The following SLC17A5 variants were observed in gnomAD, a reference collection of about 807,000 sequenced individuals.
The protein encoded by SLC17A5 is solute carrier family 17 member 5, also known as sialin.
In SLC17A5, 47 loss-of-function variants were observed where a neutral mutation model predicts 59.4. The ratio of observed to expected loss-of-function variants is 0.79; its 90% confidence interval spans 0.63 to 1.01. The LOEUF (loss-of-function observed/expected upper bound fraction) is 1.01, where lower values mean the gene tolerates loss of function less well. SLC17A5 is among the 50% of genes least tolerant of loss of function. SLC17A5 has a pLI of 0.00. For missense variants in SLC17A5, 522 were observed against 595.5 expected, an observed-to-expected ratio of 0.88 and a Z score of 1.28; for synonymous variants, 202 against 210.7, an observed-to-expected ratio of 0.96 and a Z score of 0.36.
At chr6:73,645,431 T>C in intron 1 of SLC17A5, 6 of 985,142 alleles carry the variant, frequency 6.1e-6, no homozygotes, top group Non-Finnish European at 7.2e-6. Context: ...AGTTGCTCAG[T>C]AGTTATCAAG....
intron 7 of SLC17A5, among the ~76,000 whole-genome samples, chr6:73,616,556 C>T (rs1343690140): frequency 8.2e-6 from 1 of 122,354 alleles, no homozygotes; most frequent in East Asian, 2.1e-4. Context: ...TACACACACA[C>T]ACACACACAC....
intron 7 of SLC17A5, among the ~76,000 whole-genome samples, chr6:73,620,998 T>TTAA (rs1320665470): frequency 2.3e-5 from 3 of 128,334 alleles, no homozygotes; most frequent in African/African-American, 7.1e-5. Context: ...AGTGCTGGGA[T>TTAA]TAATTATTAT....
chr6:73,597,370 G>A (rs1354759747), intron 10 of SLC17A5, among the ~76,000 whole-genome samples: 1 of 152,070 alleles, frequency 6.6e-6, no homozygotes, highest in Non-Finnish European at 1.5e-5. Context: ...GGGAGGCTGA[G>A]GCAGGAGAAT....
chr6:73,596,650 A>G (rs1381580493), intron 10 of SLC17A5, among the ~76,000 whole-genome samples: 1 of 151,650 alleles, frequency 6.6e-6, no homozygotes, highest in African/African-American at 2.4e-5. Flanking sequence ...AGGTCAGGAG[A>G]TCGAGACCAT....
chr6:73,605,518 A>G (rs4079357), intron 9 of SLC17A5, among the ~76,000 whole-genome samples: 16,325 of 152,098 alleles, frequency 0.11, 1,047 homozygotes, highest in Middle Eastern at 0.18. Context: ...GAAATAACTG[A>G]TGTGCTTTGA....
intron 4 of SLC17A5, among the ~76,000 whole-genome samples, chr6:73,637,825 A>G (rs1435172379): frequency 1.3e-5 from 2 of 152,174 alleles, no homozygotes; most frequent in African/African-American, 4.8e-5. Context: ...ATTTTAATTT[A>G]GTCAATGAAA....
chr6:73,641,577 T>G (rs767674742), intron 3 of SLC17A5, 114 bp downstream of exon 3: 37 of 786,112 alleles, frequency 4.7e-5, no homozygotes, highest in Non-Finnish European at 7.3e-5. Context: ...AATAAACCCC[T>G]GTTATCATCC....
chr6:73,653,868 C>G lies in SLC17A5; in HGVS notation c.19G>C (p.Asp7His). The change falls in exon 1 of 11, where the codon GAC becomes CAC. Residue 7 changes from aspartate to histidine, a missense_variant. Physicochemically the swap from Asp to His is moderately conservative, Grantham distance 81. Transcript: ENST00000355773. The part of the protein sequence containing the change: MRSPVR[D>H]LARNDGEEST... ...TCCTCGCCATCGTTCCGGGCCAGGT[C>G]TCGAACCGGAGACCTCATGACGCCT... The G allele has an allele frequency of 6.2e-7, 1 of 1,607,250 alleles. No individual in the cohort carries two copies. Among genetic ancestry groups the G allele is most frequent in the Non-Finnish European group, 8.5e-7 (1 of 1,177,590 alleles).
intron 1 of SLC17A5, 128 bp from the exon 2 acceptor site, chr6:73,644,731 C>A: frequency 1.2e-6 from 1 of 837,336 alleles, no homozygotes; most frequent in Non-Finnish European, 1.9e-6. Context: ...CTCAGCCTCC[C>A]AAAGTGCTGT....
intron 6 of SLC17A5, among the ~76,000 whole-genome samples, chr6:73,633,245 G>T: frequency 6.7e-6 from 1 of 148,866 alleles, no homozygotes; most frequent in South Asian, 2.1e-4. Context: ...CTCTCCACCT[G>T]GTTAAAACTT....
At chr6:73,612,721 C>T (rs1000330696) in intron 8 of SLC17A5, among the ~76,000 whole-genome samples, 1 of 152,226 alleles carries the variant, frequency 6.6e-6, no homozygotes, top group Admixed American at 6.5e-5. Flanking sequence ...ACTACAGATA[C>T]ATACCATCAT....
intron 7 of SLC17A5, 62 bp from the exon 8 acceptor site, chr6:73,615,509 T>C: frequency 6.5e-7 from 1 of 1,540,840 alleles, no homozygotes; most frequent in East Asian, 2.3e-5. Context: ...AACATACACA[T>C]TCATCACAGC....
At chr6:73,632,291 CAAA>C (rs71000140) in intron 6 of SLC17A5, among the ~76,000 whole-genome samples, 8 of 63,712 alleles carry the variant, frequency 1.3e-4, no homozygotes, top group Admixed American at 5.4e-4. Flanking sequence ...GAGCTAGACT[CAAA>C]AAAAAAAAAA....
chr6:73,642,704 T>C (rs1411091856), intron 2 of SLC17A5, among the ~76,000 whole-genome samples: 1 of 152,240 alleles, frequency 6.6e-6, no homozygotes, highest in African/African-American at 2.4e-5. Context: ...ACATTTTTAA[T>C]GCAGTGTAGC....
intron 2 of SLC17A5, among the ~76,000 whole-genome samples, chr6:73,642,800 C>G (rs1289801402): frequency 1.3e-5 from 2 of 152,144 alleles, no homozygotes; most frequent in Non-Finnish European, 2.9e-5. Flanking sequence ...GTAGCAGGGT[C>G]AACAAAAGCA....
intron 6 of SLC17A5, among the ~76,000 whole-genome samples, chr6:73,626,062 G>A (rs536525004): frequency 6.6e-6 from 1 of 152,268 alleles, no homozygotes; most frequent in South Asian, 2.1e-4. Flanking sequence ...TATGCTGAAA[G>A]GTACAAGTGT....
rs575285680 is a variant in SLC17A5, at chr6:73,606,625, G to A, written c.1259+3775C>T. Among the ~76,000 whole-genome samples the A allele has an allele frequency of 1.2e-3, 186 of 152,198 alleles. 3 individuals carry two copies. Among genetic ancestry groups the A allele is most frequent in the African/African-American group, 4.2e-3 (176 of 41,546 alleles). ...AGCTCAGGCACAGGATCCCCCTGCT[G>A]CCTGTCCAGCATTATACTTCATGAC... On this transcript the variant is annotated intron_variant, in intron 9 of 10. Coordinates refer to ENST00000355773, the MANE Select transcript of SLC17A5 (RefSeq NM_012434.5).
In SLC17A5 at chr6:73,615,523, T is replaced by C. The variant is rs1767815686; in HGVS notation, c.979-76A>G. On this transcript the variant is annotated intron_variant, in intron 7 of 10. Transcript: ENST00000355773. Reference sequence around the variant, plus strand: ...AAACATACACATTCATCACAGCCAATGACCACCACTTGAAAGCAAAGGAAA... The same window carrying C: ...AAACATACACATTCATCACAGCCAACGACCACCACTTGAAAGCAAAGGAAA... 4.8e-6 allele frequency: 7 copies of C among 1,444,532 alleles called. 1 individual carries two copies. The highest frequency in any genetic ancestry group is 1.8e-5 in the Admixed American group (1 of 57,122). The allele number at this position is 1,444,532 out of a possible 1,614,324, so 89.5% of individuals were successfully genotyped here. A position where few individuals can be genotyped will look rare whatever the true frequency, so the allele number is the denominator to read the frequency against.
intron 9 of SLC17A5, among the ~76,000 whole-genome samples, chr6:73,603,622 G>T (rs1043947269): frequency 6.6e-6 from 1 of 151,472 alleles, no homozygotes. Context: ...GTTTCACCAC[G>T]TTGGTTAGGC....
Sources: allele counts gnomAD v4.1 joint callset (sites outside exome capture counted in the v4.1 genomes callset), GRCh38; gene constraint gnomAD v4.1.1; transcripts MANE v1.5; gene names NCBI Gene and HGNC (gene_info 2026-07-23, HGNC 2026-07-21).